The following KCNK9 variants were observed in gnomAD, a reference collection of about 807,000 sequenced individuals.
KCNK9 encodes the protein potassium two pore domain channel subfamily K member 9.
In KCNK9, 1 loss-of-function variant was observed where a neutral mutation model predicts 10.8. That is an observed-to-expected ratio of 0.09 (90% CI 0.03 to 0.44). The LOEUF (loss-of-function observed/expected upper bound fraction) is 0.44, where lower values mean the gene tolerates loss of function less well. Ranked by LOEUF, KCNK9 falls within the 20% of genes least tolerant of loss-of-function variation. The pLI, the probability that KCNK9 is intolerant of heterozygous loss-of-function variation, is 0.97. For missense variants in KCNK9, 303 were observed against 515.0 expected (o/e 0.59, Z 3.98); for synonymous variants, 231 against 222.7 (o/e 1.04, Z -0.33).
intron 1 of KCNK9, among the ~76,000 whole-genome samples, chr8:139,668,194 G>A (rs1312196866): frequency 2.0e-5 from 3 of 152,122 alleles, no homozygotes; most frequent in Non-Finnish European, 4.4e-5. Context: ...GAGGGTGGAG[G>A]GTGAGAGAGG....
At chr8:139,640,875 C>G (rs1213764544) in intron 1 of KCNK9, among the ~76,000 whole-genome samples, 2 of 152,254 alleles carry the variant, frequency 1.3e-5, no homozygotes, top group South Asian at 4.1e-4. Context: ...CAGACGTGCA[C>G]CGTCACTCGG....
rs113335216 is a variant in KCNK9, at chr8:139,677,960, A to G, written c.283+24750T>C. On this transcript the variant is annotated intron_variant, in intron 1 of 1. Coordinates refer to ENST00000520439, the MANE Select transcript of KCNK9 (RefSeq NM_001282534.2). ...ACATCTCAGCCCAATGAGTCCCTACAGCTGCAGAGTAATACCTCACATCCC... is the reference window on the plus strand; with the variant it reads ...ACATCTCAGCCCAATGAGTCCCTACGGCTGCAGAGTAATACCTCACATCCC... 2.4e-4 allele frequency among the ~76,000 whole-genome samples: 30 copies of G among 124,754 alleles called. 1 individual carries two copies. Among genetic ancestry groups the G allele is most frequent in the African/African-American group, 6.3e-4 (18 of 28,624 alleles). The allele number at this position is 124,754 out of a possible 152,430, so 81.8% of individuals were successfully genotyped here.
intron 1 of KCNK9, among the ~76,000 whole-genome samples, chr8:139,627,828 C>T (rs1023920248): frequency 6.6e-6 from 1 of 152,340 alleles, no homozygotes; most frequent in South Asian, 2.1e-4. Context: ...ATATGTATGT[C>T]CTGGGGAGAG....
chr8:139,669,623 C>A (rs1448811877), intron 1 of KCNK9, among the ~76,000 whole-genome samples: 2 of 152,218 alleles, frequency 1.3e-5, no homozygotes, highest in Admixed American at 1.3e-4. Flanking sequence ...GCTATTTCCA[C>A]CACATCTGTG....
chr8:139,702,931 A>G lies in KCNK9; in HGVS notation c.62T>C (p.Val21Ala), dbSNP rs760746510. ...LIVCTFTYLL[V>A]GAAVFDALES... ...GAGGGCGTCGAACACGGCGGCGCCC[A>G]CCAGCAGGTAGGTGAAGGTGCAGAC... is the stretch of plus-strand genomic sequence containing the variant. The change falls in exon 1 of 2, where the codon GTG (valine) becomes GCG (alanine). Residue 21 changes from valine (V) to alanine (A), a missense_variant. Coordinates refer to ENST00000520439, the MANE Select transcript of KCNK9 (RefSeq NM_001282534.2). The surrounding 1 kb of genome is among the most constrained non-coding windows in gnomAD (Gnocchi z 7.5). 2 of 1,612,442 alleles carry G rather than the reference A, an allele frequency of 1.2e-6. No homozygotes were observed. Among genetic ancestry groups the G allele is most frequent in the Admixed American group, 3.3e-5 (2 of 59,938 alleles).
rs1244976563 is a variant in KCNK9, at chr8:139,687,433, T to C, written c.283+15277A>G. On this transcript the variant is annotated intron_variant, in intron 1 of 1. Transcript: ENST00000520439. Reference sequence around the variant, plus strand: ...ATTCATATATGTGTATACATATATATTCATATATATGTATACACATATATA... The same window carrying C: ...ATTCATATATGTGTATACATATATACTCATATATATGTATACACATATATA... Among the ~76,000 whole-genome samples the C allele has an allele frequency of 4.1e-5, 6 of 145,402 alleles. 1 individual carries two copies. Among genetic ancestry groups the C allele is most frequent in the Non-Finnish European group, 7.5e-5 (5 of 66,504 alleles).
chr8:139,633,466 C>T (rs1158442025), intron 1 of KCNK9, among the ~76,000 whole-genome samples: 1 of 152,178 alleles, frequency 6.6e-6, no homozygotes. Context: ...GTCCCTTGCC[C>T]AAGGACACAC....
intron 1 of KCNK9, among the ~76,000 whole-genome samples, chr8:139,692,749 C>A (rs1281427791): frequency 6.6e-6 from 1 of 152,180 alleles, no homozygotes; most frequent in Admixed American, 6.5e-5. Flanking sequence ...CCTAGGTCCA[C>A]CTGGCATCAG....
At position 139,617,781 on chromosome 8, in the gene KCNK9, C is replaced by T. The variant is rs1814645198; in HGVS notation, c.*477G>A. On this transcript the variant is annotated 3_prime_UTR_variant, in exon 2 of 2. Coordinates refer to ENST00000520439, the MANE Select transcript of KCNK9 (RefSeq NM_001282534.2). ...ACACGTGCACACAGAAGCACACACA[C>T]AACACACACACAGTCACTCAGTCCT... Among the ~76,000 whole-genome samples, 1 of 152,170 alleles carries T rather than the reference C, an allele frequency of 6.6e-6. No homozygotes were observed. The highest frequency in any genetic ancestry group is 1.5e-5 in the Non-Finnish European group (1 of 68,026).
chr8:139,699,805 T>A (rs1335249480), intron 1 of KCNK9, among the ~76,000 whole-genome samples: 1 of 152,196 alleles, frequency 6.6e-6, no homozygotes, highest in Non-Finnish European at 1.5e-5. Context: ...TAAAAATCCA[T>A]TTCACAGGGC....
intron 1 of KCNK9, among the ~76,000 whole-genome samples, chr8:139,669,414 A>G (rs1193604235): frequency 1.3e-5 from 2 of 152,248 alleles, no homozygotes; most frequent in Non-Finnish European, 2.9e-5. Context: ...TACTTCATCA[A>G]TTAAGTGTAT....
chr8:139,662,382 C>A (rs558972406), intron 1 of KCNK9, among the ~76,000 whole-genome samples: 1 of 152,256 alleles, frequency 6.6e-6, no homozygotes, highest in East Asian at 1.9e-4. Context: ...GTGGCCAGGG[C>A]AGTGTGAGGC....
chr8:139,670,273 G>A (rs529959091), intron 1 of KCNK9, among the ~76,000 whole-genome samples: 158 of 152,144 alleles, frequency 1.0e-3, no homozygotes, highest in African/African-American at 3.7e-3. Flanking sequence ...TCACCATAAC[G>A]GATTTAATAA....
downstream of KCNK9, among the ~76,000 whole-genome samples, chr8:139,610,657 T>G (rs1166982137): frequency 6.6e-6 from 1 of 152,112 alleles, no homozygotes; most frequent in East Asian, 1.9e-4. Context: ...TTTTAGAATT[T>G]TATTATGGGG....
chr8:139,625,189 G>A (rs1048545744), intron 1 of KCNK9, among the ~76,000 whole-genome samples: 1 of 152,172 alleles, frequency 6.6e-6, no homozygotes, highest in Admixed American at 6.5e-5. Context: ...TGCCCATGTG[G>A]ATCTGTAGCC....
intron 1 of KCNK9, among the ~76,000 whole-genome samples, chr8:139,697,126 A>T (rs1817078924): frequency 6.7e-6 from 1 of 149,306 alleles, no homozygotes; most frequent in Non-Finnish European, 1.5e-5. Flanking sequence ...AGGTGGATGG[A>T]TAAATAGTGG....
intron 1 of KCNK9, among the ~76,000 whole-genome samples, chr8:139,637,045 G>A (rs1046177928): frequency 6.6e-6 from 1 of 152,218 alleles, no homozygotes; most frequent in African/African-American, 2.4e-5. Flanking sequence ...AAGACAAAAA[G>A]GAAAAATGGG....
downstream of KCNK9, among the ~76,000 whole-genome samples, chr8:139,607,787 T>C (rs1814277722): frequency 6.6e-6 from 1 of 152,118 alleles, no homozygotes; most frequent in Non-Finnish European, 1.5e-5. Flanking sequence ...CTCTCCAAAT[T>C]CCCCCACTGA....
chr8:139,662,810 T>C (rs1586673675), intron 1 of KCNK9, among the ~76,000 whole-genome samples: 1 of 66,476 alleles, frequency 1.5e-5, no homozygotes, highest in Non-Finnish European at 2.8e-5. Context: ...CCTAGTGAGG[T>C]GCGGGGGACA....
Sources: allele counts gnomAD v4.1 joint callset (sites outside exome capture counted in the v4.1 genomes callset), GRCh38; gene constraint gnomAD v4.1.1; non-coding constraint Gnocchi (gnomAD v3.1); transcripts MANE v1.5; gene names NCBI Gene and HGNC (gene_info 2026-07-23, HGNC 2026-07-21).